SNRPN: variants seen among roughly 807,000 people sequenced by gnomAD.
SNRPN encodes the protein small nuclear ribonucleoprotein polypeptide N.
Under a neutral mutation model 25.2 loss-of-function variants are expected in SNRPN, and 7 were observed. That is an observed-to-expected ratio of 0.28 (90% confidence interval 0.16 to 0.52). The LOEUF is 0.52. Ranked by LOEUF, SNRPN falls within the 20% of genes least tolerant of loss-of-function variation. The pLI, the probability that SNRPN is intolerant of heterozygous loss-of-function variation, is 0.96. For synonymous variants in SNRPN, 124 were observed against 110.6 expected (o/e 1.12, Z -0.76); for missense variants, 196 against 322.5 (o/e 0.61, Z 3.00).
chr15:24,876,727 C>G (rs954897737), intron 1 of SNRPN, among the ~76,000 whole-genome samples: 27 of 151,814 alleles, frequency 1.8e-4, no homozygotes, highest in Admixed American at 1.8e-3. Flanking sequence ...AAGGTTTCCT[C>G]GAAGAGGCAG....
chr15:24,921,641 C>G (rs956951285), intron 3 of SNRPN, among the ~76,000 whole-genome samples: 2 of 152,058 alleles, frequency 1.3e-5, no homozygotes, highest in African/African-American at 4.8e-5. Flanking sequence ...GTTAACATGT[C>G]GTAACTGAGG....
upstream of SNRPN, among the ~76,000 whole-genome samples, chr15:24,852,869 A>G (rs539101970): frequency 4.6e-5 from 7 of 152,318 alleles, no homozygotes; most frequent in South Asian, 1.2e-3. Context: ...TGGGAGGTCA[A>G]GGTTCACTGA....
chr15:24,972,676 T>A (rs2076574660), intron 3 of SNRPN, among the ~76,000 whole-genome samples: 1 of 151,978 alleles, frequency 6.6e-6, no homozygotes, highest in South Asian at 2.1e-4. Flanking sequence ...TTAATTAGTA[T>A]GATAAGCACT....
At chr15:24,962,571 T>C (rs1056554723) in intron 2 of SNRPN, among the ~76,000 whole-genome samples, 1 of 152,224 alleles carries the variant, frequency 6.6e-6, no homozygotes, top group Non-Finnish European at 1.5e-5. Flanking sequence ...TATTCATTCT[T>C]GCTCTGTGAT....
intron 2 of SNRPN, among the ~76,000 whole-genome samples, chr15:24,833,463 G>T (rs1456501372): frequency 6.6e-6 from 1 of 151,936 alleles, no homozygotes; most frequent in Non-Finnish European, 1.5e-5. Context: ...TAAGGGCAAA[G>T]AAAAAAGTTC....
chr15:24,953,978 C>T (rs1236203392), upstream of SNRPN, among the ~76,000 whole-genome samples: 4 of 152,096 alleles, frequency 2.6e-5, no homozygotes, highest in African/African-American at 9.7e-5. Flanking sequence ...GGGGATTTAA[C>T]CATTTAGTCA....
At position 24,879,889 on chromosome 15, in the gene SNRPN, A is replaced by G. The variant is rs117048188; in HGVS notation, c.-578-6627A>G. On this transcript the variant is annotated intron_variant, in intron 1 of 11. Coordinates refer to the SNRPN transcript ENST00000400097. ...CACTGTTCTGTCTGGTGTTGGGGCA[A>G]TTCAGTCTTTGGTATGCTAATTTGG... Among the ~76,000 whole-genome samples the G allele has an allele frequency of 4.6e-4, 70 of 152,266 alleles. No individual in the cohort carries two copies. The East Asian group carries it at 8.9e-3, about 19-fold the overall frequency.
chr15:24,945,885 T>A (rs547415980), intron 3 of SNRPN, among the ~76,000 whole-genome samples: 15 of 152,298 alleles, frequency 9.8e-5, no homozygotes, highest in African/African-American at 2.6e-4. Context: ...CCTGCTTTCC[T>A]GTGGGACAGA....
intron 4 of SNRPN, chr15:24,974,844 A>T: frequency 1.4e-6 from 1 of 691,758 alleles, no homozygotes; most frequent in Non-Finnish European, 2.6e-6. Flanking sequence ...CAGGCATGAG[A>T]TGAGCCACTG....
chr15:24,918,492 ATG>A (rs1440920267), intron 2 of SNRPN, among the ~76,000 whole-genome samples: 3 of 131,684 alleles, frequency 2.3e-5, no homozygotes, highest in African/African-American at 5.5e-5. Context: ...CATAATATAT[ATG>A]TGTGTATATA....
At chr15:24,893,982 G>C (rs1391968127) in intron 2 of SNRPN, among the ~76,000 whole-genome samples, 1 of 152,066 alleles carries the variant, frequency 6.6e-6, no homozygotes, top group African/African-American at 2.4e-5. Context: ...CTTCAAAGAG[G>C]GTGCAAAAAA....
intron 8 of SNRPN, 137 bp from the exon 9 acceptor site, chr15:24,978,056 G>A: frequency 8.4e-7 from 1 of 1,192,726 alleles, no homozygotes; most frequent in Non-Finnish European, 1.2e-6. Flanking sequence ...GAAAGACATA[G>A]AAGAGTAATT....
At chr15:24,848,763 C>T (rs2052503750) in intron 2 of SNRPN, 1 of 152,086 alleles carries the variant, frequency 6.6e-6, no homozygotes, top group African/African-American at 2.4e-5. Context: ...CACCAACATA[C>T]CTTTAATCTG....
chr15:24,879,967 A>G (rs1014920122), intron 1 of SNRPN, among the ~76,000 whole-genome samples: 2 of 152,146 alleles, frequency 1.3e-5, no homozygotes, highest in African/African-American at 4.8e-5. Flanking sequence ...TGTTGAGTTA[A>G]TCAGCAACTC....
Position 24,926,026 on chromosome 15 carries a change from G to T in SNRPN, c.-391+5902G>T, listed in dbSNP as rs529810921. ...TGGGATTACAGGCCTGAGCCACCGTGCCCGGCCCACTAATTTTTAAATCTT... is the reference window on the plus strand; with the variant it reads ...TGGGATTACAGGCCTGAGCCACCGTTCCCGGCCCACTAATTTTTAAATCTT... On this transcript the variant is annotated intron_variant, in intron 3 of 11. Transcript: ENST00000400097. 6.6e-5 allele frequency among the ~76,000 whole-genome samples: 10 copies of T among 152,198 alleles called. No homozygotes were observed. The South Asian group carries it at 1.7e-3, about 25-fold the overall frequency.
chr15:24,859,039 C>G (rs945743501), intron 1 of SNRPN, among the ~76,000 whole-genome samples: 2 of 152,004 alleles, frequency 1.3e-5, no homozygotes, highest in African/African-American at 4.8e-5. Context: ...CCTTATGTGC[C>G]CACCTTATCT....
At chr15:24,914,026 G>A (rs2059376826) in intron 2 of SNRPN, among the ~76,000 whole-genome samples, 1 of 152,170 alleles carries the variant, frequency 6.6e-6, no homozygotes, top group Non-Finnish European at 1.5e-5. Flanking sequence ...TCATTTCCAG[G>A]CTGACCAGGG....
intron 2 of SNRPN, among the ~76,000 whole-genome samples, chr15:24,904,676 AAG>A (rs1451460110): frequency 6.7e-6 from 1 of 150,292 alleles, no homozygotes; most frequent in Non-Finnish European, 1.5e-5. Context: ...AAGAAAAGAA[AAG>A]AAAGAAAGAA....
chr15:24,968,677 T>C (rs1281373687), intron 3 of SNRPN: 1 of 152,358 alleles, frequency 6.6e-6, no homozygotes, highest in Admixed American at 6.5e-5. Flanking sequence ...AGCACATAAT[T>C]AACAATGAGT....
Sources: allele counts gnomAD v4.1 joint callset (sites outside exome capture counted in the v4.1 genomes callset), GRCh38; gene constraint gnomAD v4.1.1; transcripts MANE v1.5; gene names NCBI Gene and HGNC (gene_info 2026-07-23, HGNC 2026-07-21).